Variants in CD99 observed in about 807,000 individuals in gnomAD.
CD99 encodes the protein CD99 antigen.
In CD99, 19 loss-of-function variants were observed where a neutral mutation model predicts 28.4. The ratio of observed to expected loss-of-function variants is 0.67; its 90% CI spans 0.47 to 0.98. CD99 has a LOEUF of 0.98. Among genes scored for constraint, CD99 ranks in the 50% least tolerant of loss-of-function variants. The pLI is 0.00. For synonymous variants in CD99, 103 were observed against 92.1 expected (o/e 1.12, Z -0.67); for missense variants, 283 against 248.8 (o/e 1.14, Z -0.92).
intron 1 of CD99, chrX:2,692,003 C>T: frequency 1.4e-6 from 1 of 734,140 alleles, no homozygotes; most frequent in Non-Finnish European, 2.5e-6. Flanking sequence ...TCAGCGCGTG[C>T]TGTGCGCCAA....
intron 7 of CD99, 168 bp downstream of exon 7, chrX:2,723,532 T>TC (rs3833674): frequency 0.39 from 279,606 of 725,278 alleles, 61,084 homozygotes; most frequent in African/African-American, 0.74. Context: ...GCTGCAGAGG[T>TC]CCCCCAGCAA....
Position 2,722,630 on chromosome X carries a change from G to C in CD99, c.266G>C (p.Ser89Thr), listed in dbSNP as rs997232833. The change falls in exon 6 of 10, where the codon AGC becomes ACC. Residue 89 changes from serine (S) to threonine (T), a missense_variant. By Grantham distance (58) the Ser-to-Thr change is moderately conservative (BLOSUM62 1). Coordinates refer to ENST00000381192, the MANE Select transcript of CD99 (RefSeq NM_002414.5). ...GATGCTGTATTTTCTTTCCTAGGTA[G>C]CTTTTCAGATGCTGACCTTGCGGAT... ...PNPNHPSSSG[S>T]FSDADLADGV... 6 of 1,613,832 alleles carry C rather than the reference G, an allele frequency of 3.7e-6. No individual in the cohort carries two copies. Among genetic ancestry groups the C allele is most frequent in the Non-Finnish European group, 5.1e-6 (6 of 1,179,850 alleles).
rs760418244 is a variant in CD99, at chrX:2,696,229, G to A, written c.67+4802G>A. Among the ~76,000 whole-genome samples, 6 of 147,524 alleles carry A rather than the reference G, an allele frequency of 4.1e-5. No homozygotes were observed. In the South Asian group the frequency reaches 1.0e-3, roughly 25 times the overall value. On this transcript the variant is annotated intron_variant, in intron 1 of 9. Transcript: ENST00000381192. Reference sequence around the variant, plus strand: ...GAAGCTTGTTCATTCTGAGTCCTGTGTTCCATGTCCCAGGCCCATGTGGAT... The same window carrying A: ...GAAGCTTGTTCATTCTGAGTCCTGTATTCCATGTCCCAGGCCCATGTGGAT...
In CD99 at chrX:2,726,104, G is replaced by A. The variant is rs1226499191; in HGVS notation, c.362-156G>A. Reference sequence around the variant, plus strand: ...CTTTGCCTTCCTGTGTATCATTCTCGGCATGCTTCCTTTGCAAATCGGTCA... The same window carrying A: ...CTTTGCCTTCCTGTGTATCATTCTCAGCATGCTTCCTTTGCAAATCGGTCA... On this transcript the variant is annotated intron_variant, in intron 7 of 9. Transcript: ENST00000381192. Among the ~76,000 whole-genome samples the A allele has an allele frequency of 3.3e-5, 5 of 152,066 alleles. No individual in the cohort carries two copies. Among genetic ancestry groups the A allele is most frequent in the African/African-American group, 7.2e-5 (3 of 41,394 alleles).
chrX:2,711,435 A>ATG (rs201275302), intron 1 of CD99, among the ~76,000 whole-genome samples: 2 of 149,452 alleles, frequency 1.3e-5, no homozygotes, highest in African/African-American at 2.5e-5. Context: ...TAGTATGTGT[A>ATG]TGTGTGTATA....
chrX:2,704,872 AC>A (rs1301447659), intron 1 of CD99, among the ~76,000 whole-genome samples: 2 of 151,820 alleles, frequency 1.3e-5, no homozygotes, highest in Non-Finnish European at 2.9e-5. Context: ...GCGTCACAAC[AC>A]CTGTCTAATT....
chrX:2,722,951 C>T (rs952883770), intron 6 of CD99, among the ~76,000 whole-genome samples: 3 of 152,200 alleles, frequency 2.0e-5, no homozygotes, highest in Non-Finnish European at 4.4e-5. Flanking sequence ...CCCTTGTCAC[C>T]ACCTCCTCAC....
rs2050161067 is a variant in CD99 at position 2,740,875 on chromosome X, A to T, written c.*71A>T. ...ACAGCTGCCTGAGGCTCCTCCCTGA[A>T]GGACACCTGCCTGAGAGCAGAGATG... On this transcript the variant is annotated 3_prime_UTR_variant, in exon 10 of 10. Coordinates refer to ENST00000381192, the MANE Select transcript of CD99 (RefSeq NM_002414.5). 1 of 1,536,352 alleles carries T rather than the reference A, an allele frequency of 6.5e-7. No homozygotes were observed. Among genetic ancestry groups the T allele is most frequent in the African/African-American group, 1.4e-5 (1 of 73,382 alleles).
At chrX:2,716,787 G>A (rs184048822) in intron 2 of CD99, among the ~76,000 whole-genome samples, 33 of 152,298 alleles carry the variant, frequency 2.2e-4, no homozygotes, top group African/African-American at 7.9e-4. Flanking sequence ...ACCATTCCCT[G>A]CAGTGGGAGG....
At chrX:2,717,696 C>T (rs764436472) in intron 3 of CD99, 44 bp downstream of exon 3, 2 of 1,566,574 alleles carry the variant, frequency 1.3e-6, no homozygotes, top group East Asian at 2.2e-5. Context: ...AAGAGCAAAT[C>T]ATTTTCTCGG....
chrX:2,693,288 C>T (rs1166292057), intron 1 of CD99, among the ~76,000 whole-genome samples: 1 of 117,448 alleles, frequency 8.5e-6, no homozygotes, highest in Non-Finnish European at 1.6e-5. Context: ...GCAGACTGGG[C>T]TTAGGAACTC....
chrX:2,705,234 C>T (rs2048061399), intron 1 of CD99, among the ~76,000 whole-genome samples: 1 of 152,176 alleles, frequency 6.6e-6, no homozygotes, highest in Non-Finnish European at 1.5e-5. Flanking sequence ...ACTCGGAGTT[C>T]CTTGCACTTG....
At chrX:2,705,035 C>T (rs959504031) in intron 1 of CD99, among the ~76,000 whole-genome samples, 1 of 152,198 alleles carries the variant, frequency 6.6e-6, no homozygotes, top group Non-Finnish European at 1.5e-5. Context: ...AATTTTCAAG[C>T]TAAGAAGACA....
At chrX:2,714,299 T>A (rs1349820628) in intron 1 of CD99, 123 bp from the exon 2 acceptor site, 6 of 743,866 alleles carry the variant, frequency 8.1e-6, no homozygotes, top group Non-Finnish European at 1.3e-5. Flanking sequence ...ACCTTGTAAA[T>A]TTTTTTAAGT....
At chrX:2,694,834 A>G (rs1186840619) in intron 1 of CD99, among the ~76,000 whole-genome samples, 2 of 152,188 alleles carry the variant, frequency 1.3e-5, no homozygotes, top group East Asian at 3.9e-4. Context: ...AGACAAATAC[A>G]TGTCTTTACA....
At chrX:2,700,917 C>CTG (rs2047828077) in intron 1 of CD99, among the ~76,000 whole-genome samples, 1 of 150,792 alleles carries the variant, frequency 6.6e-6, no homozygotes, top group Non-Finnish European at 1.5e-5. Context: ...ATCCACCCAC[C>CTG]CAACCATCCA....
At chrX:2,714,283 T>C (rs1378204420) in intron 1 of CD99, 139 bp from the exon 2 acceptor site, 1 of 639,066 alleles carries the variant, frequency 1.6e-6, no homozygotes, top group Admixed American at 3.0e-5. Context: ...AGAAGAGAAA[T>C]CACGCACCTT....
At position 2,691,510 on chromosome X, in the gene CD99, G is replaced by C. The variant is rs748508428; in HGVS notation, c.67+83G>C. The C allele has an allele frequency of 5.2e-5, 75 of 1,432,256 alleles. No homozygotes were observed. In the East Asian group the frequency reaches 1.8e-3, roughly 34 times the overall value. 88.7% of individuals were successfully genotyped at this position (1,432,256 alleles called of 1,614,324 possible). On this transcript the variant is annotated intron_variant, in intron 1 of 9. Transcript: ENST00000381192. ...GATCCGCTTGAGATGCGGCGTTGGGGGCGCCCCGCGGGGACACCCGGAGCC... is the reference window on the plus strand; with the variant it reads ...GATCCGCTTGAGATGCGGCGTTGGGCGCGCCCCGCGGGGACACCCGGAGCC...
intron 3 of CD99, chrX:2,719,424 T>C: frequency 3.6e-6 from 2 of 555,006 alleles, no homozygotes; most frequent in South Asian, 2.8e-5. Context: ...TCTGAGAGCT[T>C]CTCTCCTAGC....
Sources: gnomAD v4.1 joint callset for allele counts (sites outside exome capture counted in the v4.1 genomes callset) on GRCh38, gnomAD v4.1.1 for gene constraint, MANE v1.5 for transcripts, NCBI Gene and HGNC (gene_info 2026-07-23, HGNC 2026-07-21) for gene names.